CLCN7: variants seen among roughly 807,000 people sequenced by gnomAD.
CLCN7 encodes the protein H(+)/Cl(-) exchange transporter 7.
Under a neutral mutation model 102.1 loss-of-function variants are expected in CLCN7, and 60 were observed. That is an observed-to-expected ratio of 0.59 (90% CI 0.48 to 0.73). CLCN7 has a LOEUF of 0.73. Among genes scored for constraint, CLCN7 ranks in the 30% least tolerant of loss-of-function variants. The pLI is 0.00. For missense variants in CLCN7, 962 were observed against 1,125.7 expected (o/e 0.85, Z 2.08); for synonymous variants, 560 against 490.5 (o/e 1.14, Z -1.87).
chr16:1,471,279 C>T (rs1045023026), intron 1 of CLCN7, among the ~76,000 whole-genome samples: 1 of 152,136 alleles, frequency 6.6e-6, no homozygotes, highest in African/African-American at 2.4e-5. Context: ...CACCAGCCAA[C>T]CTGAAAATCC....
At chr16:1,453,311 C>A (rs1250655903) in intron 14 of CLCN7, among the ~76,000 whole-genome samples, 7 of 152,194 alleles carry the variant, frequency 4.6e-5, no homozygotes, top group Non-Finnish European at 1.0e-4. Flanking sequence ...CCGCGCCCGG[C>A]CAGGCCTGTG....
In CLCN7 at chr16:1,446,498, C is replaced by T. The variant is rs768968043; in HGVS notation, c.*133G>A. On this transcript the variant is annotated 3_prime_UTR_variant, in exon 25 of 25. Coordinates refer to ENST00000382745, the MANE Select transcript of CLCN7 (RefSeq NM_001287.6). ...GTCAGTTCCGCGCCTGCCGCCTGCC[C>T]GCCCAGCTGCAGGGTGCTCGCCATT... 15 of 843,154 alleles carry T rather than the reference C, an allele frequency of 1.8e-5. No homozygotes were observed. Among genetic ancestry groups the T allele is most frequent in the African/African-American group, 1.5e-4 (9 of 59,844 alleles). The allele number at this position is 843,154 out of a possible 1,614,324, so 52.2% of individuals were successfully genotyped here.
rs112391931 is a variant in CLCN7 at position 1,452,641 on chromosome 16, G to A, written c.1353+114C>T. On this transcript the variant is annotated intron_variant, in intron 15 of 24. Transcript: ENST00000382745. ...CTCTTTGAGACACGCCAGCCCATGC[G>A]CTTCTGGAACTCGGCGGGGTGGGCA... The A allele has an allele frequency of 5.9e-5, 68 of 1,142,898 alleles. No homozygotes were observed. In the East Asian group the frequency reaches 8.0e-4, roughly 13 times the overall value. The allele number at this position is 1,142,898 out of a possible 1,614,324, so 70.8% of individuals were successfully genotyped here.
intron 9 of CLCN7, among the ~76,000 whole-genome samples, chr16:1,456,813 C>T (rs376392686): frequency 8.0e-5 from 12 of 150,886 alleles, no homozygotes; most frequent in Non-Finnish European, 1.3e-4. Context: ...TGCACTCCAG[C>T]CTGGGCAACA....
rs371042373 is a variant in CLCN7 at position 1,451,742 on chromosome 16, T to C, written c.1354-26A>G. 43 of 1,591,980 alleles carry C rather than the reference T, an allele frequency of 2.7e-5. No individual in the cohort carries two copies. The African/African-American group carries it at 4.6e-4, about 17-fold the overall frequency. ...CTGTGGGGTCGGGAGAGAGCACACG[T>C]TGGGAGGGGAGATGAGCTGGTGGGC... On this transcript the variant is annotated intron_variant, in intron 15 of 24. Coordinates refer to ENST00000382745, the MANE Select transcript of CLCN7 (RefSeq NM_001287.6).
intron 2 of CLCN7, among the ~76,000 whole-genome samples, chr16:1,462,882 C>G (rs372020721): frequency 1.3e-5 from 2 of 152,048 alleles, no homozygotes; most frequent in Non-Finnish European, 2.9e-5. Context: ...GAAGCTGGGC[C>G]GGGCGCAATG....
chr16:1,464,632 C>T (rs996428647), intron 2 of CLCN7, among the ~76,000 whole-genome samples: 1 of 152,236 alleles, frequency 6.6e-6, no homozygotes, highest in Non-Finnish European at 1.5e-5. Context: ...CAGCCTCTGA[C>T]GTGGCCCAGG....
chr16:1,473,270 G>A (rs1478808493), intron 1 of CLCN7, among the ~76,000 whole-genome samples: 1 of 151,912 alleles, frequency 6.6e-6, no homozygotes, highest in Non-Finnish European at 1.5e-5. Flanking sequence ...ATCAGCAAAA[G>A]GCAGACTATG....
chr16:1,461,266 C>T (rs947520968), intron 4 of CLCN7, 139 bp downstream of exon 4: 14 of 820,168 alleles, frequency 1.7e-5, no homozygotes, highest in African/African-American at 1.2e-4. Context: ...AGAAACCAGA[C>T]GAACCACAGG....
intron 21 of CLCN7, 158 bp downstream of exon 21, chr16:1,448,197 G>C (rs1478010659): frequency 9.8e-7 from 1 of 1,019,296 alleles, no homozygotes; most frequent in African/African-American, 1.6e-5. Context: ...CGTCCACACA[G>C]CCCTCCATGG....
chr16:1,449,116 C>T (rs780121333), intron 18 of CLCN7, 23 bp from the exon 19 acceptor site: 16 of 1,612,674 alleles, frequency 9.9e-6, no homozygotes, highest in Admixed American at 5.0e-5. Context: ...TCATGAACCC[C>T]AGCACGTCCA....
At chr16:1,458,857 C>CATGCACCACGCAAGCATTTCTGT (rs2038880209) in intron 7 of CLCN7, among the ~76,000 whole-genome samples, 1 of 152,276 alleles carries the variant, frequency 6.6e-6, no homozygotes, top group Non-Finnish European at 1.5e-5. Context: ...CTGTGTCACA[C>CATGCACCACGCAAGCATTTCTGT]ATGCACCACG....
intron 2 of CLCN7, among the ~76,000 whole-genome samples, chr16:1,464,579 G>A (rs1228757351): frequency 6.6e-6 from 1 of 152,250 alleles, no homozygotes; most frequent in East Asian, 1.9e-4. Context: ...TCAAACGGAC[G>A]CAAGGCCGAA....
intron 2 of CLCN7, among the ~76,000 whole-genome samples, chr16:1,463,926 C>T (rs1363241082): frequency 3.9e-5 from 6 of 152,158 alleles, no homozygotes; most frequent in Non-Finnish European, 2.9e-5. Flanking sequence ...TGGTGCCTAT[C>T]ACCAGGCCCA....
chr16:1,455,784 A>C lies in CLCN7; in HGVS notation c.928T>G (p.Phe310Val). The C allele has an allele frequency of 6.2e-7, 1 of 1,613,566 alleles. No homozygotes were observed. ...AFGAPVGGVLFSLEEGASFWN... is the reference protein window; with the variant it reads ...AFGAPVGGVLVSLEEGASFWN... ...AAGGACGCACCCTCCTCCAAGCTGA[A>C]CAGGACCCCACCTGGAAGGCAGGCG... Residue 310 changes from phenylalanine to valine, a missense_variant, in exon 11 of 25, where the codon TTC becomes GTC. Physicochemically the swap from Phe to Val is conservative, Grantham distance 50. This residue lies in a region of CLCN7 where 799 missense variants were observed against 988.0 expected (regional missense o/e 0.81). Transcript: ENST00000382745.
At chr16:1,472,333 C>A (rs917209405) in intron 1 of CLCN7, among the ~76,000 whole-genome samples, 1 of 152,086 alleles carries the variant, frequency 6.6e-6, no homozygotes, top group African/African-American at 2.4e-5. Flanking sequence ...TGGGTTCAAG[C>A]GATTCTCCTG....
chr16:1,450,495 A>T lies in CLCN7; in HGVS notation c.1617+2T>A. On this transcript the variant is annotated splice_donor_variant, in intron 17 of 24. Coordinates refer to ENST00000382745, the MANE Select transcript of CLCN7 (RefSeq NM_001287.6). LOFTEE classifies it high-confidence loss of function. ...CACAGCCTCCCCTCCGGCCCCACTC[A>T]CCGCCGCCCCCGTGAGGTAGGACAG... 1 of 1,596,034 alleles carries T rather than the reference A, an allele frequency of 6.3e-7. No individual in the cohort carries two copies. Among genetic ancestry groups the T allele is most frequent in the Non-Finnish European group, 8.5e-7 (1 of 1,172,500 alleles).
intron 1 of CLCN7, 48 bp downstream of exon 1, chr16:1,474,786 G>T: frequency 8.1e-7 from 1 of 1,241,054 alleles, no homozygotes; most frequent in Non-Finnish European, 1.0e-6. Context: ...GCGGGCTGCG[G>T]GGCGCACGAG....
intron 2 of CLCN7, among the ~76,000 whole-genome samples, chr16:1,464,055 C>T (rs1035407615): frequency 1.3e-5 from 2 of 151,852 alleles, no homozygotes; most frequent in Admixed American, 6.6e-5. Flanking sequence ...AGGCACGAAT[C>T]ACCTCCCTTG....
Sources: gnomAD v4.1 joint callset for allele counts (sites outside exome capture counted in the v4.1 genomes callset) on GRCh38, gnomAD v4.1.1 for gene constraint, gnomAD v4.1.1 regional missense constraint, MANE v1.5 for transcripts, NCBI Gene and HGNC (gene_info 2026-07-23, HGNC 2026-07-21) for gene names.